POLR1B: variants seen among roughly 807,000 people sequenced by gnomAD.
POLR1B encodes RNA polymerase I subunit B.
POLR1B carries 30 observed loss-of-function variants against 105.8 expected under a neutral mutation model. The ratio of observed to expected loss-of-function variants is 0.28; its 90% CI spans 0.21 to 0.38. The LOEUF (loss-of-function observed/expected upper bound fraction) is 0.38. Ranked by LOEUF, POLR1B falls within the 10% of genes least tolerant of loss-of-function variation. POLR1B has a pLI of 1.00. For synonymous variants in POLR1B, 485 were observed against 505.1 expected, an observed-to-expected ratio of 0.96 and a Z score of 0.53; for missense variants, 976 against 1,435.8, an observed-to-expected ratio of 0.68 and a Z score of 5.17.
chr2:112,572,008 A>G (rs1191113705), intron 12 of POLR1B, among the ~76,000 whole-genome samples: 1 of 152,160 alleles, frequency 6.6e-6, no homozygotes, highest in Non-Finnish European at 1.5e-5. Flanking sequence ...AATTTTTTTA[A>G]AAATTTCACT....
chr2:112,542,579 G>C lies in POLR1B; in HGVS notation c.85G>C (p.Glu29Gln). ...LTDPSYGIPR[E>Q]QQKAALQELT... Reference sequence around the variant, plus strand: ...TGACCCCTCTTATGGAATCCCGCGGGAACAGCAAAAGGCAGCGTTGCAGGA... The same window carrying C: ...TGACCCCTCTTATGGAATCCCGCGGCAACAGCAAAAGGCAGCGTTGCAGGA... Residue 29 changes from glutamate to glutamine, a missense_variant, in exon 1 of 15, where the codon GAA (glutamate) becomes CAA (glutamine). By Grantham distance (29) the Glu-to-Gln change is conservative (BLOSUM62 2). Around this residue, in one of 12 missense-constraint regions of POLR1B, gnomAD observed 452 missense variants for 616.5 expected, o/e 0.73. Coordinates refer to ENST00000263331, the MANE Select transcript of POLR1B (RefSeq NM_019014.6). 6.2e-7 allele frequency: 1 copy of C among 1,614,198 alleles called. No individual in the cohort carries two copies. The highest frequency in any genetic ancestry group is 8.5e-7 in the Non-Finnish European group (1 of 1,180,052).
chr2:112,572,134 G>A (rs1035566045), intron 12 of POLR1B, among the ~76,000 whole-genome samples: 2 of 152,148 alleles, frequency 1.3e-5, no homozygotes, highest in African/African-American at 2.4e-5. Flanking sequence ...TACATATTCC[G>A]CTGTAAGAAA....
chr2:112,567,157 A>G (rs1440655697), intron 10 of POLR1B, among the ~76,000 whole-genome samples: 1 of 152,162 alleles, frequency 6.6e-6, no homozygotes, highest in East Asian at 1.9e-4. Flanking sequence ...TGAGATCTCC[A>G]GAAACTTAAT....
intron 11 of POLR1B, 43 bp from the exon 12 acceptor site, chr2:112,568,703 A>G (rs559388610): frequency 6.3e-7 from 1 of 1,598,460 alleles, no homozygotes; most frequent in Non-Finnish European, 8.5e-7. Flanking sequence ...TAAATGTGTA[A>G]CCAGTTGCAG....
chr2:112,554,682 A>G (rs919488531), intron 7 of POLR1B: 1 of 152,198 alleles, frequency 6.6e-6, no homozygotes, highest in Non-Finnish European at 1.5e-5. Context: ...GGCTCATTGT[A>G]TTCCACACTT....
intron 12 of POLR1B, among the ~76,000 whole-genome samples, chr2:112,570,056 T>C (rs1310280013): frequency 4.0e-5 from 6 of 151,728 alleles, no homozygotes; most frequent in East Asian, 3.9e-4. Flanking sequence ...GGATCTTTTT[T>C]TTTTTTTCCC....
At chr2:112,542,186 G>A, upstream of POLR1B, 3 of 1,535,738 alleles carry the variant, frequency 2.0e-6, no homozygotes, top group South Asian at 2.4e-5. Context: ...TCAACTGGGC[G>A]GGGAGCGGGT....
At chr2:112,570,085 G>A (rs1383821269) in intron 12 of POLR1B, among the ~76,000 whole-genome samples, 1 of 136,108 alleles carries the variant, frequency 7.3e-6, no homozygotes, top group Non-Finnish European at 1.6e-5. Flanking sequence ...GTCTCACTTT[G>A]TTGCCCAGAC....
chr2:112,552,049 G>T, intron 6 of POLR1B, 51 bp downstream of exon 6: 1 of 1,473,274 alleles, frequency 6.8e-7, no homozygotes, highest in South Asian at 1.2e-5. Flanking sequence ...GGCTGTCAGT[G>T]GTTCTTTGTA....
At chr2:112,559,214 G>GT in intron 8 of POLR1B, 79 bp from the exon 9 acceptor site, 1 of 1,515,402 alleles carries the variant, frequency 6.6e-7, no homozygotes, top group South Asian at 1.2e-5. Context: ...GTGCTCTGAG[G>GT]TTTTGTCGTC....
At position 112,547,460 on chromosome 2, in the gene POLR1B, AT is replaced by A; in HGVS notation, c.386del (p.Ile129ThrfsTer13). ...NWAVNGISKG[I>X]IKQFLGYVPI... ...GGCAGTGAATGGAATCTCAAAAGGA[AT>A]CATTAAGCAGTTTCTTGGCTATGTT... On this transcript the variant is annotated frameshift_variant, in exon 3 of 15. Coordinates refer to ENST00000263331, the MANE Select transcript of POLR1B (RefSeq NM_019014.6). LOFTEE classifies it high-confidence loss of function. 1 of 1,614,174 alleles carries A rather than the reference AT, an allele frequency of 6.2e-7. No homozygotes were observed. Among genetic ancestry groups the A allele is most frequent in the Admixed American group, 1.7e-5 (1 of 60,024 alleles).
In POLR1B at chr2:112,576,704, G is replaced by C. The variant is rs1046215462; in HGVS notation, c.*975G>C. 5 of 152,288 alleles carry C rather than the reference G, an allele frequency of 3.3e-5. No homozygotes were observed. In the East Asian group the frequency reaches 7.7e-4, roughly 24 times the overall value. 9.4% of individuals were successfully genotyped at this position (152,288 alleles called of 1,614,324 possible). On this transcript the variant is annotated 3_prime_UTR_variant, in exon 15 of 15. Transcript: ENST00000263331. ...TGTGCATCTATAGTCCCTGCTATTT[G>C]AGAGGCTGAGGTGGGAGGATCATTT... is the stretch of plus-strand genomic sequence containing the variant.
upstream of POLR1B, chr2:112,542,438 GAGAGAC>G: frequency 7.5e-7 from 1 of 1,328,894 alleles, no homozygotes; most frequent in East Asian, 4.8e-5. Flanking sequence ...GGCGTGTACC[GAGAGAC>G]TGGCGTCCGG....
chr2:112,555,367 G>A (rs1032451835), intron 7 of POLR1B, among the ~76,000 whole-genome samples: 3 of 152,030 alleles, frequency 2.0e-5, no homozygotes, highest in African/African-American at 4.8e-5. Context: ...AACACCTGGT[G>A]CGGTGGCTCA....
intron 1 of POLR1B, among the ~76,000 whole-genome samples, chr2:112,544,723 A>T (rs1682943013): frequency 2.0e-5 from 3 of 152,256 alleles, no homozygotes; most frequent in Admixed American, 6.5e-5. Context: ...ACACAGTAAC[A>T]TAAATAACTA....
At chr2:112,545,992 A>G (rs1200363273) in intron 1 of POLR1B, 1 of 159,368 alleles carries the variant, frequency 6.3e-6, no homozygotes, top group Non-Finnish European at 1.4e-5. Context: ...CCAGCTTTAG[A>G]TAACATTTTA....
intron 1 of POLR1B, among the ~76,000 whole-genome samples, chr2:112,543,293 C>T (rs903123614): frequency 6.6e-6 from 1 of 152,144 alleles, no homozygotes; most frequent in Non-Finnish European, 1.5e-5. Context: ...GCACTAGGCT[C>T]AGAGGATGTG....
chr2:112,556,899 A>G (rs1449204586), intron 7 of POLR1B, among the ~76,000 whole-genome samples: 1 of 152,232 alleles, frequency 6.6e-6, no homozygotes, highest in Non-Finnish European at 1.5e-5. Flanking sequence ...TATAATGATC[A>G]AATCAGAGTA....
chr2:112,573,615 G>A lies in POLR1B; in HGVS notation c.2325G>A (p.Lys775=). The A allele has an allele frequency of 6.2e-7, 1 of 1,614,178 alleles. No individual in the cohort carries two copies. Among genetic ancestry groups the A allele is most frequent in the Non-Finnish European group, 8.5e-7 (1 of 1,180,024 alleles). ...ERGFAHGSVY[K]SEFIDLSEKI... is the part of the protein sequence containing the mutation. ...GCTTTGCCCATGGAAGTGTCTACAA[G>A]TCTGAGTTCATAGACCTCTCTGAAA... Residue 775 remains lysine, a synonymous_variant, in exon 14 of 15, where the codon AAG becomes AAA. Coordinates refer to ENST00000263331, the MANE Select transcript of POLR1B (RefSeq NM_019014.6).
Sources: allele counts gnomAD v4.1 joint callset (sites outside exome capture counted in the v4.1 genomes callset), GRCh38; gene constraint gnomAD v4.1.1; regional missense constraint gnomAD v4.1.1; transcripts MANE v1.5; gene names NCBI Gene and HGNC (gene_info 2026-07-23, HGNC 2026-07-21).